STAU1: variants seen among roughly 807,000 people sequenced by gnomAD.
STAU1 encodes the protein staufen double-stranded RNA binding protein 1.
A neutral mutation model predicts 62.9 loss-of-function variants in STAU1; 13 were observed. That is an observed-to-expected ratio of 0.21 (90% CI 0.13 to 0.33). STAU1 has a LOEUF of 0.33. Ranked by LOEUF, STAU1 falls within the 10% of genes least tolerant of loss-of-function variation. STAU1 has a pLI of 1.00. For synonymous variants in STAU1, 269 were observed against 265.1 expected (o/e 1.01, Z -0.14); for missense variants, 571 against 712.1 (o/e 0.80, Z 2.25).
upstream of STAU1, among the ~76,000 whole-genome samples, chr20:49,191,867 A>C (rs2093831761): frequency 2.6e-5 from 4 of 152,094 alleles, no homozygotes; most frequent in South Asian, 8.3e-4. Context: ...CCTGGCCAAC[A>C]TGGTGAAACC....
intron 2 of STAU1, among the ~76,000 whole-genome samples, chr20:49,166,836 G>C (rs775862387): frequency 1.3e-5 from 2 of 152,156 alleles, no homozygotes; most frequent in Non-Finnish European, 1.5e-5. Flanking sequence ...ATGGTGATGA[G>C]AGATGTATTG....
chr20:49,195,432 G>A, the STAU1 span, among the ~76,000 whole-genome samples: 1 of 151,120 alleles, frequency 6.6e-6, no homozygotes, highest in Non-Finnish European at 1.5e-5. Context: ...CAGCTACTCG[G>A]GAGGCTGAGG....
At chr20:49,115,723 A>G in intron 13 of STAU1, 59 bp downstream of exon 13, 1 of 1,441,248 alleles carries the variant, frequency 6.9e-7, no homozygotes, top group Non-Finnish European at 9.8e-7. Context: ...TGTAAACTCA[A>G]CACAAACGAG....
chr20:49,185,147 T>C (rs928144732), intron 1 of STAU1, among the ~76,000 whole-genome samples: 1 of 152,236 alleles, frequency 6.6e-6, no homozygotes, highest in Admixed American at 6.5e-5. Flanking sequence ...GTTAGAAGAT[T>C]ATCTTTTGCT....
At chr20:49,166,585 T>C (rs534812428) in intron 2 of STAU1, among the ~76,000 whole-genome samples, 1 of 152,298 alleles carries the variant, frequency 6.6e-6, no homozygotes, top group South Asian at 2.1e-4. Flanking sequence ...TTGCAAACTA[T>C]AGCTTACATT....
chr20:49,130,880 G>T (rs1163392233), intron 6 of STAU1, among the ~76,000 whole-genome samples: 2 of 151,928 alleles, frequency 1.3e-5, no homozygotes, highest in Admixed American at 1.3e-4. Flanking sequence ...AGAGGTTGCA[G>T]TGAGCTGAGA....
At chr20:49,217,900 T>C in the STAU1 span, among the ~76,000 whole-genome samples, 5 of 150,666 alleles carry the variant, frequency 3.3e-5, no homozygotes, top group African/African-American at 9.7e-5. Flanking sequence ...TGAGACGGAG[T>C]TTCCCTCTTG....
chr20:49,172,260 A>G (rs191283559), intron 2 of STAU1, among the ~76,000 whole-genome samples: 1 of 152,344 alleles, frequency 6.6e-6, no homozygotes, highest in Non-Finnish European at 1.5e-5. Context: ...GCTAAAGTGA[A>G]AAACAATTTA....
chr20:49,202,255 AAAG>A, the STAU1 span, among the ~76,000 whole-genome samples: 1 of 144,132 alleles, frequency 6.9e-6, no homozygotes, highest in Non-Finnish European at 1.5e-5. Context: ...AGAAAGAAAG[AAAG>A]AATCAACTAG....
At chr20:49,216,506 C>T in the STAU1 span, among the ~76,000 whole-genome samples, 28 of 151,296 alleles carry the variant, frequency 1.9e-4, 1 homozygote, top group African/African-American at 3.2e-4. Context: ...CCAGCCTGGG[C>T]GACAAAGTGA....
the STAU1 span, among the ~76,000 whole-genome samples, chr20:49,204,604 ATATATATATATATATATATGTG>A: frequency 4.6e-3 from 279 of 60,010 alleles, 2 homozygotes; most frequent in East Asian, 0.01. Context: ...ATATATATAT[ATATATATATATATATATATGTG>A]TATATATATA....
At chr20:49,149,988 G>A (rs1275630555) in intron 5 of STAU1, among the ~76,000 whole-genome samples, 1 of 152,156 alleles carries the variant, frequency 6.6e-6, no homozygotes, top group African/African-American at 2.4e-5. Flanking sequence ...AAAGTCAAAT[G>A]CTACCCAGAG....
chr20:49,116,282 G>A (rs2092322174), intron 12 of STAU1, among the ~76,000 whole-genome samples: 1 of 151,848 alleles, frequency 6.6e-6, no homozygotes, highest in African/African-American at 2.4e-5. Flanking sequence ...TTACAGGTGT[G>A]AGCCTCCACA....
chr20:49,213,975 G>T, the STAU1 span, among the ~76,000 whole-genome samples: 1 of 152,206 alleles, frequency 6.6e-6, no homozygotes, highest in African/African-American at 2.4e-5. Context: ...ACTTTGGGAG[G>T]CCGAGGCGGG....
chr20:49,193,381 G>GA, the STAU1 span, among the ~76,000 whole-genome samples: 6 of 146,438 alleles, frequency 4.1e-5, no homozygotes, highest in Non-Finnish European at 6.0e-5. Flanking sequence ...TGTCTCTAAA[G>GA]AAAAAAAAAA....
At chr20:49,204,984 A>G in the STAU1 span, among the ~76,000 whole-genome samples, 3 of 151,930 alleles carry the variant, frequency 2.0e-5, no homozygotes, top group African/African-American at 7.2e-5. Context: ...ACTGTCATAA[A>G]AAAAAATTCA....
chr20:49,195,535 CA>C, the STAU1 span, among the ~76,000 whole-genome samples: 169 of 38,132 alleles, frequency 4.4e-3, no homozygotes, highest in African/African-American at 0.026. Flanking sequence ...GACTCCGTCT[CA>C]AAAAAAAAAA....
At chr20:49,154,989 G>A (rs1454555041) in intron 3 of STAU1, among the ~76,000 whole-genome samples, 3 of 152,166 alleles carry the variant, frequency 2.0e-5, no homozygotes, top group Admixed American at 6.5e-5. Context: ...AGGAGGCTGA[G>A]GCAGGAGAAT....
chr20:49,127,965 C>A (rs1372711827), intron 6 of STAU1, among the ~76,000 whole-genome samples: 1 of 152,176 alleles, frequency 6.6e-6, no homozygotes, highest in African/African-American at 2.4e-5. Flanking sequence ...GCCTGACCAA[C>A]ATGGAGAAAC....
Sources: gnomAD v4.1 joint callset for allele counts (sites outside exome capture counted in the v4.1 genomes callset) on GRCh38, gnomAD v4.1.1 for gene constraint, MANE v1.5 for transcripts, NCBI Gene and HGNC (gene_info 2026-07-23, HGNC 2026-07-21) for gene names.